Variants in PRR16 observed in about 807,000 individuals in gnomAD.
PRR16 encodes protein Largen.
In PRR16, 6 loss-of-function variants were observed where a neutral mutation model predicts 18.2. The observed-to-expected ratio is 0.33, with a 90% CI of 0.18 to 0.65. The LOEUF is 0.65. Ranked by LOEUF, PRR16 falls within the 30% of genes least tolerant of loss-of-function variation. The probability of loss-of-function intolerance (pLI) is 0.74; values close to 1 mark genes in which losing one functional copy is unlikely to be tolerated. For synonymous variants in PRR16, 151 were observed against 147.8 expected, an observed-to-expected ratio of 1.02 and a Z score of -0.16; for missense variants, 412 against 376.6, an observed-to-expected ratio of 1.09 and a Z score of -0.78.
the PRR16 span, among the ~76,000 whole-genome samples, chr5:120,757,743 T>C: frequency 6.6e-6 from 1 of 152,070 alleles, no homozygotes; most frequent in Non-Finnish European, 1.5e-5. Context: ...TTTGGTGAAT[T>C]GGCGATGTGT....
the PRR16 span, among the ~76,000 whole-genome samples, chr5:120,706,174 G>C: frequency 6.6e-6 from 1 of 152,118 alleles, no homozygotes; most frequent in South Asian, 2.1e-4. Context: ...AGAGCTACTT[G>C]AAAGAAGGGT....
intron 1 of PRR16, among the ~76,000 whole-genome samples, chr5:120,562,439 CTG>C (rs1197701606): frequency 6.6e-6 from 1 of 151,874 alleles, no homozygotes; most frequent in Admixed American, 6.6e-5. Flanking sequence ...TACAGTCACT[CTG>C]TTTTTTTATT....
chr5:120,483,411 A>C (rs1281079198), intron 1 of PRR16, among the ~76,000 whole-genome samples: 1 of 151,168 alleles, frequency 6.6e-6, no homozygotes, highest in Non-Finnish European at 1.5e-5. Context: ...TTTCAAAGTA[A>C]GGTTTATGGA....
the PRR16 span, among the ~76,000 whole-genome samples, chr5:120,789,130 T>C: frequency 6.6e-6 from 1 of 152,074 alleles, no homozygotes; most frequent in South Asian, 2.1e-4. Flanking sequence ...TTAAAGGCAT[T>C]CCTCTGTCTC....
At chr5:120,593,886 A>C (rs1039561616) in intron 1 of PRR16, among the ~76,000 whole-genome samples, 4 of 152,182 alleles carry the variant, frequency 2.6e-5, no homozygotes, top group Non-Finnish European at 4.4e-5. Context: ...ACATAAAGAA[A>C]ATTAAAGACA....
chr5:120,751,411 C>G, the PRR16 span, among the ~76,000 whole-genome samples: 1 of 152,026 alleles, frequency 6.6e-6, no homozygotes, highest in Non-Finnish European at 1.5e-5. Context: ...CAAGAGCATT[C>G]CTCTTTCTCT....
intron 1 of PRR16, among the ~76,000 whole-genome samples, chr5:120,637,416 T>C (rs1755272446): frequency 1.4e-5 from 2 of 142,400 alleles, no homozygotes; most frequent in Non-Finnish European, 3.0e-5. Context: ...TTCCCATCAA[T>C]CAATGAGTGA....
the PRR16 span, chr5:120,790,818 A>C: frequency 1.3e-5 from 2 of 150,922 alleles, no homozygotes; most frequent in African/African-American, 2.4e-5. Context: ...AAATGTAAGA[A>C]TTCTCAAGAC....
chr5:120,576,054 GA>G (rs1320263723), intron 1 of PRR16, among the ~76,000 whole-genome samples: 2 of 152,040 alleles, frequency 1.3e-5, no homozygotes, highest in African/African-American at 4.8e-5. Flanking sequence ...TTAAATGGAA[GA>G]CCCCTATACT....
At chr5:120,467,605 T>G (rs895203435) in intron 1 of PRR16, among the ~76,000 whole-genome samples, 13 of 152,142 alleles carry the variant, frequency 8.5e-5, no homozygotes, top group African/African-American at 3.1e-4. Flanking sequence ...TAGTAATTGC[T>G]TGAAACACTT....
intron 1 of PRR16, among the ~76,000 whole-genome samples, chr5:120,649,531 T>C (rs1475755922): frequency 1.3e-5 from 2 of 152,168 alleles, no homozygotes; most frequent in Non-Finnish European, 2.9e-5. Flanking sequence ...AGAAATATGA[T>C]AACTGGGTTT....
rs1481141129 is a variant in PRR16, at chr5:120,615,032, A to G, written c.160-70922A>G. ...TTCTGACATGCATTGTTACTTCCCT[A>G]TTCTGTTGACTGTATAACGGAAAAA... On this transcript the variant is annotated intron_variant, in intron 1 of 1. Coordinates refer to ENST00000407149, the MANE Select transcript of PRR16 (RefSeq NM_001300783.2). Among the ~76,000 whole-genome samples, 3 of 137,042 alleles carry G rather than the reference A, an allele frequency of 2.2e-5. No homozygotes were observed. In the Admixed American group the frequency reaches 2.4e-4, roughly 11 times the overall value. The allele number at this position is 137,042 out of a possible 152,430, so 89.9% of individuals were successfully genotyped here.
At chr5:120,633,630 G>A (rs889836230) in intron 1 of PRR16, among the ~76,000 whole-genome samples, 2 of 152,014 alleles carry the variant, frequency 1.3e-5, no homozygotes, top group Non-Finnish European at 2.9e-5. Flanking sequence ...GACAAAGAGG[G>A]ACATTATATA....
intron 1 of PRR16, among the ~76,000 whole-genome samples, chr5:120,665,724 C>T (rs994092365): frequency 6.6e-6 from 1 of 152,170 alleles, no homozygotes; most frequent in Non-Finnish European, 1.5e-5. Context: ...AATCCTTCCC[C>T]CATTTCCTGT....
intron 1 of PRR16, among the ~76,000 whole-genome samples, chr5:120,478,559 G>A (rs548123578): frequency 2.0e-5 from 3 of 152,060 alleles, no homozygotes; most frequent in Non-Finnish European, 4.4e-5. Context: ...CTCCCAACCA[G>A]TGGCTCCCAC....
intron 1 of PRR16, among the ~76,000 whole-genome samples, chr5:120,601,513 G>A (rs79441688): frequency 0.059 from 8,988 of 152,088 alleles, 343 homozygotes; most frequent in South Asian, 0.085. Context: ...TATTCTATGC[G>A]TTGACTGTTT....
intron 1 of PRR16, among the ~76,000 whole-genome samples, chr5:120,593,536 G>A (rs6595244): frequency 0.028 from 4,178 of 151,110 alleles, 186 homozygotes; most frequent in African/African-American, 0.096. Flanking sequence ...AAAAAGCCCA[G>A]AACCAGTTGG....
At chr5:120,683,157 C>G (rs1757022930) in intron 1 of PRR16, among the ~76,000 whole-genome samples, 1 of 152,060 alleles carries the variant, frequency 6.6e-6, no homozygotes, top group South Asian at 2.1e-4. Flanking sequence ...GAGACAATGA[C>G]TAGAACTGAC....
the PRR16 span, among the ~76,000 whole-genome samples, chr5:120,736,769 G>C: frequency 2.0e-5 from 3 of 151,724 alleles, no homozygotes; most frequent in Non-Finnish European, 4.4e-5. Context: ...ATTTCCTTCA[G>C]CAATGTTTTA....
Sources: allele counts gnomAD v4.1 joint callset (sites outside exome capture counted in the v4.1 genomes callset), GRCh38; gene constraint gnomAD v4.1.1; transcripts MANE v1.5; gene names NCBI Gene and HGNC (gene_info 2026-07-23, HGNC 2026-07-21).